Variants in VWA3B observed in about 807,000 individuals in gnomAD.
VWA3B encodes the protein von Willebrand factor A domain-containing protein 3B.
In VWA3B, 138 loss-of-function variants were observed where a neutral mutation model predicts 158.3. That is an observed-to-expected ratio of 0.87 (90% CI 0.76 to 1.00). The LOEUF (loss-of-function observed/expected upper bound fraction) is 1.00. Among genes scored for constraint, VWA3B ranks in the 50% least tolerant of loss-of-function variants. The pLI is 0.00. For missense variants in VWA3B, 1,555 were observed against 1,565.1 expected, an observed-to-expected ratio of 0.99 and a Z score of 0.11; for synonymous variants, 596 against 587.3, an observed-to-expected ratio of 1.01 and a Z score of -0.21.
chr2:98,330,586 G>A, the VWA3B span, among the ~76,000 whole-genome samples: 1 of 152,088 alleles, frequency 6.6e-6, no homozygotes, highest in Admixed American at 6.5e-5. Flanking sequence ...ATTCATATTT[G>A]TATTGTTCTA....
chr2:98,165,236 A>G (rs1678969274), intron 8 of VWA3B, among the ~76,000 whole-genome samples: 1 of 152,190 alleles, frequency 6.6e-6, no homozygotes, highest in East Asian at 1.9e-4. Context: ...CATATTTGCT[A>G]CAATCTTAAG....
intron 7 of VWA3B, among the ~76,000 whole-genome samples, chr2:98,153,596 T>A (rs2105184001): frequency 6.6e-6 from 1 of 152,362 alleles, no homozygotes; most frequent in Middle Eastern, 3.4e-3. Flanking sequence ...TATTGGCCCA[T>A]CACTTAGGCT....
At chr2:98,153,185 C>T (rs761309967) in intron 7 of VWA3B, among the ~76,000 whole-genome samples, 4 of 151,798 alleles carry the variant, frequency 2.6e-5, no homozygotes, top group Non-Finnish European at 4.4e-5. Context: ...AAATAGCACT[C>T]GCTCTGCTCA....
At chr2:98,204,380 T>C (rs1682836420) in intron 12 of VWA3B, among the ~76,000 whole-genome samples, 5 of 152,368 alleles carry the variant, frequency 3.3e-5, no homozygotes, top group Non-Finnish European at 5.9e-5. Flanking sequence ...TTAAGTATGA[T>C]GTTAGCTGCA....
At chr2:98,187,932 T>C (rs1298909218) in intron 9 of VWA3B, 43 bp from the exon 10 acceptor site, 1 of 1,537,214 alleles carries the variant, frequency 6.5e-7, no homozygotes, top group Non-Finnish European at 8.8e-7. Flanking sequence ...CTCTTCTCTT[T>C]GGACAGTTTC....
chr2:98,221,784 A>G (rs140752678), intron 14 of VWA3B, among the ~76,000 whole-genome samples: 208 of 152,252 alleles, frequency 1.4e-3, no homozygotes, highest in African/African-American at 4.7e-3. Flanking sequence ...CATGGTGCCC[A>G]GTGTCGAGCC....
intron 2 of VWA3B, among the ~76,000 whole-genome samples, chr2:98,106,593 G>A (rs555505844): frequency 2.0e-5 from 3 of 152,062 alleles, no homozygotes; most frequent in South Asian, 4.2e-4. Context: ...TTCAGTATAC[G>A]AAGCCTGCAC....
chr2:98,315,264 T>C (rs1465021243), downstream of VWA3B, among the ~76,000 whole-genome samples: 1 of 152,214 alleles, frequency 6.6e-6, no homozygotes, highest in Non-Finnish European at 1.5e-5. Flanking sequence ...TTTTAGCATA[T>C]ACCAGAAGTA....
At chr2:98,166,456 C>T (rs192679888) in intron 8 of VWA3B, among the ~76,000 whole-genome samples, 1 of 152,170 alleles carries the variant, frequency 6.6e-6, no homozygotes, top group East Asian at 1.9e-4. Flanking sequence ...ACCTGCGAGC[C>T]CTCTCCCCAG....
intron 8 of VWA3B, among the ~76,000 whole-genome samples, chr2:98,172,361 CCA>C: frequency 2.5e-3 from 1 of 394 alleles, no homozygotes; most frequent in Non-Finnish European, 5.1e-3. Flanking sequence ...GGCCTGCTGG[CCA>C]GGGGCCTGCT....
Position 98,292,571 on chromosome 2 carries a change from A to C in VWA3B, c.3157+1949A>C, listed in dbSNP as rs184834662. On this transcript the variant is annotated intron_variant, in intron 23 of 27. Coordinates refer to ENST00000477737, the MANE Select transcript of VWA3B (RefSeq NM_144992.5). ...ATTTCTCTGGGGTGCAGATTTTCTA[A>C]GAGGTGATTATAGAAGGCCACCCCT... Among the ~76,000 whole-genome samples, 410 of 152,282 alleles carry C rather than the reference A, an allele frequency of 2.7e-3. 2 individuals carry two copies. Among genetic ancestry groups the C allele is most frequent in the African/African-American group, 9.4e-3 (392 of 41,554 alleles).
At chr2:98,306,216 G>A (rs2106007452) in intron 26 of VWA3B, among the ~76,000 whole-genome samples, 1 of 151,770 alleles carries the variant, frequency 6.6e-6, no homozygotes, top group South Asian at 2.1e-4. Context: ...TAGTGAGGTG[G>A]CCCCACGGCA....
intron 6 of VWA3B, among the ~76,000 whole-genome samples, chr2:98,129,222 A>AGTGT (rs1447456836): frequency 2.4e-3 from 267 of 110,364 alleles, no homozygotes; most frequent in Non-Finnish European, 4.3e-3. Flanking sequence ...AGAGAGAGAG[A>AGTGT]GAGTGTGTGT....
intron 4 of VWA3B, 101 bp downstream of exon 4, chr2:98,119,864 G>T: frequency 7.1e-7 from 1 of 1,404,654 alleles, no homozygotes; most frequent in South Asian, 1.3e-5. Flanking sequence ...TCTCTGGTGA[G>T]GGAAGAGGCA....
At chr2:98,297,625 C>T (rs1284787215) in intron 23 of VWA3B, among the ~76,000 whole-genome samples, 5 of 152,136 alleles carry the variant, frequency 3.3e-5, no homozygotes, top group Non-Finnish European at 7.4e-5. Context: ...GACCCATGTT[C>T]CTGTCAGGAT....
intron 1 of VWA3B, among the ~76,000 whole-genome samples, chr2:98,092,057 G>A (rs1682330925): frequency 6.6e-6 from 1 of 152,230 alleles, no homozygotes; most frequent in South Asian, 2.1e-4. Context: ...ACATGGGCCA[G>A]AATGCTTAAG....
At chr2:98,104,430 A>ACC (rs1683288688) in intron 2 of VWA3B, among the ~76,000 whole-genome samples, 1 of 152,268 alleles carries the variant, frequency 6.6e-6, no homozygotes, top group African/African-American at 2.4e-5. Flanking sequence ...CGGAAGAGGG[A>ACC]CCAGGCTCTT....
chr2:98,307,052 A>G (rs1690569657), intron 26 of VWA3B, among the ~76,000 whole-genome samples: 1 of 152,204 alleles, frequency 6.6e-6, no homozygotes, highest in South Asian at 2.1e-4. Flanking sequence ...TCCTTCTGGT[A>G]GGTCCCTTCC....
chr2:98,098,347 T>A (rs1024628169), intron 2 of VWA3B, among the ~76,000 whole-genome samples: 2 of 152,178 alleles, frequency 1.3e-5, no homozygotes, highest in African/African-American at 4.8e-5. Flanking sequence ...TATTGCATTT[T>A]AGTCTATCTC....
Sources: allele counts gnomAD v4.1 joint callset (sites outside exome capture counted in the v4.1 genomes callset), GRCh38; gene constraint gnomAD v4.1.1; transcripts MANE v1.5; gene names NCBI Gene and HGNC (gene_info 2026-07-23, HGNC 2026-07-21).